ZSWIM5: variants seen among roughly 807,000 people sequenced by gnomAD.
ZSWIM5 encodes zinc finger SWIM domain-containing protein 5.
ZSWIM5 carries 55 observed loss-of-function variants against 119.6 expected under a neutral mutation model. That is an observed-to-expected ratio of 0.46 (90% CI 0.37 to 0.58). The LOEUF is 0.58. Ranked by LOEUF, ZSWIM5 falls within the 20% of genes least tolerant of loss-of-function variation. The pLI is 0.00. For missense variants in ZSWIM5, 1,193 were observed against 1,512.8 expected (o/e 0.79, Z 3.51); for synonymous variants, 537 against 606.9 (o/e 0.88, Z 1.69).
intron 1 of ZSWIM5, among the ~76,000 whole-genome samples, chr1:45,095,924 G>A (rs1438820591): frequency 6.6e-6 from 1 of 152,132 alleles, no homozygotes; most frequent in Non-Finnish European, 1.5e-5. Flanking sequence ...GTCAGTGCCT[G>A]GAACCTGGTA....
At chr1:45,188,587 A>G (rs865779964) in intron 1 of ZSWIM5, among the ~76,000 whole-genome samples, 1 of 152,220 alleles carries the variant, frequency 6.6e-6, no homozygotes, top group Non-Finnish European at 1.5e-5. Context: ...TGAGTTATAC[A>G]GTACATGAAG....
chr1:45,024,268 T>G (rs1326769579), intron 11 of ZSWIM5, among the ~76,000 whole-genome samples: 1 of 149,662 alleles, frequency 6.7e-6, no homozygotes, highest in African/African-American at 2.5e-5. Flanking sequence ...CTGGGCTCAC[T>G]GCAACCTCTG....
At chr1:45,163,741 T>C (rs561691040) in intron 1 of ZSWIM5, among the ~76,000 whole-genome samples, 3 of 151,916 alleles carry the variant, frequency 2.0e-5, no homozygotes, top group Admixed American at 6.6e-5. Context: ...GAAGATCAAA[T>C]GAATGAAGTC....
In ZSWIM5 at chr1:45,196,579, G is replaced by T. The variant is rs545057237; in HGVS notation, c.595+9177C>A. Among the ~76,000 whole-genome samples, 7 of 149,692 alleles carry T rather than the reference G, an allele frequency of 4.7e-5. No homozygotes were observed. In the East Asian group the frequency reaches 1.4e-3, roughly 30 times the overall value. On this transcript the variant is annotated intron_variant, in intron 1 of 13. Coordinates refer to ENST00000359600, the MANE Select transcript of ZSWIM5 (RefSeq NM_020883.2). ...CTAATTTTTTGTATTTTTAGTAGAG[G>T]CGGGATTTCACCATGTTAGCTAGGA...
At chr1:45,027,793 C>T (rs1202058523) in intron 11 of ZSWIM5, among the ~76,000 whole-genome samples, 1 of 152,188 alleles carries the variant, frequency 6.6e-6, no homozygotes, top group Non-Finnish European at 1.5e-5. Context: ...ATCCTCCCAC[C>T]TCAGCCTCCC....
At chr1:45,150,041 A>G (rs1204390889) in intron 1 of ZSWIM5, among the ~76,000 whole-genome samples, 1 of 151,834 alleles carries the variant, frequency 6.6e-6, no homozygotes, top group Non-Finnish European at 1.5e-5. Context: ...ATGGTGGTGT[A>G]CACCTGTAGT....
chr1:45,079,236 CT>C lies in ZSWIM5; in HGVS notation c.952+8644del, dbSNP rs201241362. On this transcript the variant is annotated intron_variant, in intron 2 of 13. Coordinates refer to ENST00000359600, the MANE Select transcript of ZSWIM5 (RefSeq NM_020883.2). The stretch of plus-strand genomic sequence containing the variant: ...CAAATCTTATAAAACGGCCCCACCC[CT>C]ATCTCCCTTCACTGACTATCTTTTC... 7.7e-3 allele frequency among the ~76,000 whole-genome samples: 1,171 copies of C among 152,272 alleles called. 11 individuals carry two copies. The highest frequency in any genetic ancestry group is 0.011 in the Non-Finnish European group (726 of 68,018).
chr1:45,028,001 C>A (rs1233195170), intron 11 of ZSWIM5, among the ~76,000 whole-genome samples: 2 of 152,196 alleles, frequency 1.3e-5, no homozygotes, highest in African/African-American at 2.4e-5. Flanking sequence ...CAGGCATGTA[C>A]CACCACACCC....
intron 2 of ZSWIM5, among the ~76,000 whole-genome samples, chr1:45,084,479 T>G (rs947274573): frequency 2.6e-5 from 4 of 152,126 alleles, no homozygotes; most frequent in Admixed American, 1.3e-4. Context: ...ATTTCAGCAT[T>G]AACTCAAAAG....
intron 1 of ZSWIM5, among the ~76,000 whole-genome samples, chr1:45,135,207 G>C (rs72684470): frequency 6.6e-6 from 1 of 151,402 alleles, no homozygotes; most frequent in African/African-American, 2.4e-5. Flanking sequence ...GTGCATGTGG[G>C]TTCCAATTTT....
At chr1:45,105,849 C>T (rs1390616506) in intron 1 of ZSWIM5, among the ~76,000 whole-genome samples, 3 of 141,634 alleles carry the variant, frequency 2.1e-5, no homozygotes, top group Non-Finnish European at 3.1e-5. Context: ...ATGTGAGGAG[C>T]ACCTCTGCCT....
At chr1:45,106,527 G>A (rs1225487426) in intron 1 of ZSWIM5, among the ~76,000 whole-genome samples, 2 of 144,794 alleles carry the variant, frequency 1.4e-5, no homozygotes, top group Non-Finnish European at 3.0e-5. Flanking sequence ...GCCTCTGCCC[G>A]GCCGCCCATC....
chr1:45,054,988 G>C (rs1035868643), intron 4 of ZSWIM5, among the ~76,000 whole-genome samples: 5 of 151,948 alleles, frequency 3.3e-5, no homozygotes, highest in African/African-American at 1.2e-4. Context: ...ACCATGCCCG[G>C]TTAATTTTTT....
At chr1:45,178,981 A>G (rs926638529) in intron 1 of ZSWIM5, among the ~76,000 whole-genome samples, 1 of 152,124 alleles carries the variant, frequency 6.6e-6, no homozygotes, top group Non-Finnish European at 1.5e-5. Context: ...AGATCAACAT[A>G]CAAAAATCAG....
At chr1:45,093,452 AGGCTCT>A (rs1645379458) in intron 1 of ZSWIM5, among the ~76,000 whole-genome samples, 1 of 152,216 alleles carries the variant, frequency 6.6e-6, no homozygotes, top group Non-Finnish European at 1.5e-5. Context: ...GGCTCCCTAG[AGGCTCT>A]GGCTAAGGCT....
chr1:45,164,275 GA>G (rs1256835737), intron 1 of ZSWIM5, among the ~76,000 whole-genome samples: 1 of 152,182 alleles, frequency 6.6e-6, no homozygotes, highest in Non-Finnish European at 1.5e-5. Context: ...AATGCTGAGA[GA>G]TTTTGTCACC....
At chr1:45,101,284 T>C (rs552886656) in intron 1 of ZSWIM5, among the ~76,000 whole-genome samples, 7 of 152,110 alleles carry the variant, frequency 4.6e-5, no homozygotes, top group Admixed American at 3.3e-4. Flanking sequence ...AACAGACACA[T>C]GAAAAAATGC....
chr1:45,179,566 C>A (rs1009844674), intron 1 of ZSWIM5, among the ~76,000 whole-genome samples: 2 of 152,048 alleles, frequency 1.3e-5, no homozygotes, highest in Non-Finnish European at 2.9e-5. Flanking sequence ...TCCTTTGTAG[C>A]AAACCTGCAC....
chr1:45,067,937 G>C (rs1287713095), intron 2 of ZSWIM5, among the ~76,000 whole-genome samples: 1 of 152,008 alleles, frequency 6.6e-6, no homozygotes, highest in African/African-American at 2.4e-5. Context: ...ACTAATAAGA[G>C]AAATGGTGAC....
Sources: gnomAD v4.1 joint callset for allele counts (sites outside exome capture counted in the v4.1 genomes callset) on GRCh38, gnomAD v4.1.1 for gene constraint, MANE v1.5 for transcripts, NCBI Gene and HGNC (gene_info 2026-07-23, HGNC 2026-07-21) for gene names.